The following NEU4 variants were observed in gnomAD, a reference collection of about 807,000 sequenced individuals.
NEU4 encodes the protein sialidase-4.
NEU4 carries 7 observed loss-of-function variants against 9.9 expected under a neutral mutation model. That is an observed-to-expected ratio of 0.71 (90% CI 0.40 to 1.33). NEU4 has a LOEUF of 1.33. Ranked by LOEUF, NEU4 falls within the 40% of genes most tolerant of loss-of-function variation. The pLI, the probability that NEU4 is intolerant of heterozygous loss-of-function variation, is 0.01. For synonymous variants in NEU4, 348 were observed against 316.9 expected (o/e 1.10, Z -1.04); for missense variants, 717 against 712.6 (o/e 1.01, Z -0.07).
chr2:241,815,462 T>C (rs1381578003), intron 3 of NEU4: 2 of 391,506 alleles, frequency 5.1e-6, no homozygotes, highest in Admixed American at 3.2e-5. Flanking sequence ...TCACCCCCAG[T>C]CACCCAGTGG....
chr2:241,815,159 G>A lies in NEU4; in HGVS notation c.457+12G>A. 6.5e-7 allele frequency: 1 copy of A among 1,532,214 alleles called. No individual in the cohort carries two copies. The highest frequency in any genetic ancestry group is 2.3e-5 in the East Asian group (1 of 43,506). 94.9% of individuals were successfully genotyped at this position (1,532,214 alleles called of 1,614,324 possible). On this transcript the variant is annotated intron_variant, in intron 3 of 3. Transcript: ENST00000407683. ...TGGTGCCGTGCAGGGTAGGCGGGCA[G>A]GGTGCCGGTCTGGGTCCCTTTGATT... is the stretch of plus-strand genomic sequence containing the variant.
At position 241,816,379 on chromosome 2, in the gene NEU4, C is replaced by T. The variant is rs189778979; in HGVS notation, c.786C>T (p.Pro262=). The T allele has an allele frequency of 3.4e-3, 5,432 of 1,595,014 alleles. 17 individuals carry two copies. The highest frequency in any genetic ancestry group is 4.3e-3 in the Non-Finnish European group (5,029 of 1,174,126). ...LSTDEGTSFL[P]AERVASLPET... Reference sequence around the variant, plus strand: ...CTGACGAGGGCACCTCCTTCCTGCCCGCAGAGCGCGTGGCTTCCCTGCCCG... The same window carrying T: ...CTGACGAGGGCACCTCCTTCCTGCCTGCAGAGCGCGTGGCTTCCCTGCCCG... The change falls in exon 4 of 4, where the codon CCC becomes CCT. Residue 262 remains proline, a synonymous_variant. Transcript: ENST00000407683.
chr2:241,815,457 C>T (rs1700294722), intron 3 of NEU4: 1 of 547,004 alleles, frequency 1.8e-6, no homozygotes, highest in Non-Finnish European at 3.5e-6. Flanking sequence ...ATTGATCACC[C>T]CCAGTCACCC....
chr2:241,810,701 C>T (rs1488713538), intron 1 of NEU4: 2 of 156,132 alleles, frequency 1.3e-5, no homozygotes, highest in South Asian at 2.0e-4. Flanking sequence ...GGCAGGCCAG[C>T]GTGAAAGGGA....
chr2:241,811,716 G>T (rs1700121712), intron 1 of NEU4: 3 of 394,030 alleles, frequency 7.6e-6, no homozygotes, highest in Non-Finnish European at 4.5e-6. Context: ...GGCCCACAGG[G>T]TGGGTGTGAC....
At chr2:241,815,335 G>T in intron 3 of NEU4, 188 bp downstream of exon 3, 1 of 882,564 alleles carries the variant, frequency 1.1e-6, no homozygotes, top group Non-Finnish European at 1.7e-6. Context: ...GGACCGTCCT[G>T]AGCCTCCCGT....
chr2:241,816,958 C>G lies in NEU4; in HGVS notation c.1365C>G (p.Phe455Leu). The G allele has an allele frequency of 6.2e-7, 1 of 1,612,742 alleles. No homozygotes were observed. Among genetic ancestry groups the G allele is most frequent in the Non-Finnish European group, 8.5e-7 (1 of 1,179,876 alleles). ...ATGATGAGATTTCCTTTTGTACATTCTCCCTGCGTGAGGTCCTGGAGAACG... is the reference window on the plus strand; with the variant it reads ...ATGATGAGATTTCCTTTTGTACATTGTCCCTGCGTGAGGTCCTGGAGAACG... ...TSYDEISFCT[F>L]SLREVLENVP... The change falls in exon 4 of 4, where the codon TTC (phenylalanine) becomes TTG (leucine). Residue 455 changes from phenylalanine to leucine, a missense_variant. Coordinates refer to ENST00000407683, the MANE Select transcript of NEU4 (RefSeq NM_001167600.3).
In NEU4 at chr2:241,817,108, T is replaced by C; in HGVS notation, c.*60T>C. On this transcript the variant is annotated 3_prime_UTR_variant, in exon 4 of 4. Transcript: ENST00000407683. ...CCTGGGGCAGAGGGGTGGAATACGTTGGGGTGCCCCACGATAGCTGTGGGG... is the reference window on the plus strand; with the variant it reads ...CCTGGGGCAGAGGGGTGGAATACGTCGGGGTGCCCCACGATAGCTGTGGGG... The C allele has an allele frequency of 6.9e-7, 1 of 1,459,654 alleles. No individual in the cohort carries two copies. Among genetic ancestry groups the C allele is most frequent in the Non-Finnish European group, 9.0e-7 (1 of 1,106,402 alleles). 90.4% of individuals were successfully genotyped at this position (1,459,654 alleles called of 1,614,324 possible). A position where few individuals can be genotyped will look rare whatever the true frequency, so the allele number is the denominator to read the frequency against.
intron 1 of NEU4, chr2:241,814,198 C>T: frequency 1.5e-6 from 1 of 654,288 alleles, no homozygotes; most frequent in Non-Finnish European, 2.9e-6. Flanking sequence ...CACCAACCAG[C>T]CTGGCCGAGG....
Position 241,814,940 on chromosome 2 carries a change from T to C in NEU4, c.250T>C (p.Ser84Pro). ...GACAGCAGCCCTGGCGGAGCACCGG[T>C]CCATGAACCCCTGCCCTGTGCACGA... ...LGTAALAEHRSMNPCPVHDAG... is the reference protein window; with the variant it reads ...LGTAALAEHRPMNPCPVHDAG... Residue 84 changes from serine to proline, a missense_variant, in exon 3 of 4, where the codon TCC becomes CCC. By Grantham distance (74) the Ser-to-Pro change is moderately conservative. Coordinates refer to ENST00000407683, the MANE Select transcript of NEU4 (RefSeq NM_001167600.3). 1.2e-6 allele frequency: 2 copies of C among 1,612,136 alleles called. No homozygotes were observed. The highest frequency in any genetic ancestry group is 1.7e-6 in the Non-Finnish European group (2 of 1,179,800).
chr2:241,815,169 C>T, intron 3 of NEU4, 22 bp downstream of exon 3: 2 of 1,516,522 alleles, frequency 1.3e-6, no homozygotes, highest in Non-Finnish European at 1.8e-6. Context: ...GGGTGCCGGT[C>T]TGGGTCCCTT....
chr2:241,816,440 T>A lies in NEU4; in HGVS notation c.847T>A (p.Phe283Ile), dbSNP rs1481472558. Residue 283 changes from phenylalanine to isoleucine, a missense_variant, in exon 4 of 4, where the codon TTC (phenylalanine) becomes ATC (isoleucine). Phe to Ile is a conservative substitution (Grantham distance 21, BLOSUM62 0). Coordinates refer to ENST00000407683, the MANE Select transcript of NEU4 (RefSeq NM_001167600.3). Reference sequence around the variant, plus strand: ...GGGCTGCCAGGGCAGCATCGTGGGCTTCCCAGCCCCCGCCCCCAACAGGCC... The same window carrying A: ...GGGCTGCCAGGGCAGCATCGTGGGCATCCCAGCCCCCGCCCCCAACAGGCC... The part of the protein sequence containing the change: ...AWGCQGSIVG[F>I]PAPAPNRPRD... 6.2e-7 allele frequency: 1 copy of A among 1,608,142 alleles called. No individual in the cohort carries two copies.
intron 1 of NEU4, chr2:241,811,487 A>G (rs1700114263): frequency 1.3e-6 from 2 of 1,527,250 alleles, no homozygotes; most frequent in Non-Finnish European, 1.8e-6. Context: ...TTGCACCCCC[A>G]GCACCCTCAC....
rs1331765098 is a variant in NEU4 at position 241,816,399 on chromosome 2, T to C, written c.806T>C (p.Leu269Pro). 5.6e-6 allele frequency: 9 copies of C among 1,602,116 alleles called. No individual in the cohort carries two copies. Among genetic ancestry groups the C allele is most frequent in the Non-Finnish European group, 7.6e-6 (9 of 1,177,004 alleles). The change falls in exon 4 of 4, where the codon CTG becomes CCG. Residue 269 changes from leucine to proline, a missense_variant. Physicochemically the swap from Leu to Pro is moderately conservative, Grantham distance 98. Transcript: ENST00000407683. ...SFLPAERVAS[L>P]PETAWGCQGS... is the part of the protein sequence containing the mutation. Reference sequence around the variant, plus strand: ...CTGCCCGCAGAGCGCGTGGCTTCCCTGCCCGAGACTGCCTGGGGCTGCCAG... The same window carrying C: ...CTGCCCGCAGAGCGCGTGGCTTCCCCGCCCGAGACTGCCTGGGGCTGCCAG...
intron 1 of NEU4, 85 bp from the exon 2 acceptor site, chr2:241,814,397 A>G: frequency 7.6e-7 from 1 of 1,319,104 alleles, no homozygotes; most frequent in Non-Finnish European, 1.1e-6. Context: ...GCACCTCCTG[A>G]GCGCATTCCC....
chr2:241,811,481 AC>A, intron 1 of NEU4: 3 of 1,528,742 alleles, frequency 2.0e-6, no homozygotes, highest in Non-Finnish European at 1.8e-6. Flanking sequence ...TGCCCTTTGC[AC>A]CCCCAGCACC....
In NEU4 at chr2:241,816,343, G is replaced by T; in HGVS notation, c.750G>T (p.Gln250His). The T allele has an allele frequency of 6.3e-7, 1 of 1,581,950 alleles. No individual in the cohort carries two copies. Among genetic ancestry groups the T allele is most frequent in the Non-Finnish European group, 8.6e-7 (1 of 1,166,866 alleles). ...GGAGCCCACTGGGCAGCCGTGTGCA[G>T]GCGCTCAGCACTGACGAGGGCACCT... ...NARSPLGSRV[Q>H]ALSTDEGTSF... Residue 250 changes from glutamine (Q) to histidine (H), a missense_variant, in exon 4 of 4, where the codon CAG becomes CAT. Gln to His is a conservative substitution (Grantham distance 24). Transcript: ENST00000407683.
chr2:241,809,404 C>T (rs976993980), intron 1 of NEU4, 130 bp downstream of exon 1: 47 of 431,788 alleles, frequency 1.1e-4, no homozygotes, highest in Non-Finnish European at 1.5e-4. Flanking sequence ...AATGCTGCCA[C>T]GTCGTGCAGC....
At chr2:241,814,366 A>C in intron 1 of NEU4, 116 bp from the exon 2 acceptor site, 1 of 953,978 alleles carries the variant, frequency 1.0e-6, no homozygotes, top group Non-Finnish European at 1.6e-6. Flanking sequence ...GAAGAGGCCC[A>C]GGTGTGGGCA....
Sources: gnomAD v4.1 joint callset for allele counts on GRCh38, gnomAD v4.1.1 for gene constraint, MANE v1.5 for transcripts, NCBI Gene and HGNC (gene_info 2026-07-23, HGNC 2026-07-21) for gene names.